Variants in SND1 observed in about 807,000 individuals in gnomAD.
The protein encoded by SND1 is staphylococcal nuclease domain-containing protein 1.
Under a neutral mutation model 121.7 loss-of-function variants are expected in SND1, and 38 were observed. The observed-to-expected ratio is 0.31, with a 90% CI of 0.24 to 0.41. SND1 has a LOEUF of 0.41. Among genes scored for constraint, SND1 ranks in the 10% least tolerant of loss-of-function variants. The probability of loss-of-function intolerance (pLI) is 1.00; values close to 1 mark genes in which losing one functional copy is unlikely to be tolerated. For synonymous variants in SND1, 401 were observed against 447.4 expected, an observed-to-expected ratio of 0.90 and a Z score of 1.31; for missense variants, 868 against 1,184.6, an observed-to-expected ratio of 0.73 and a Z score of 3.92.
intron 17 of SND1, among the ~76,000 whole-genome samples, chr7:128,074,980 G>C (rs535891114): frequency 6.6e-6 from 1 of 152,344 alleles, no homozygotes; most frequent in East Asian, 1.9e-4. Context: ...AATCTGTCTA[G>C]GTGACTGTGG....
At chr7:127,779,942 T>G (rs1313223420) in intron 10 of SND1, among the ~76,000 whole-genome samples, 1 of 152,206 alleles carries the variant, frequency 6.6e-6, no homozygotes, top group Non-Finnish European at 1.5e-5. Flanking sequence ...CCATAGTACT[T>G]TATCCATGTC....
chr7:127,801,411 T>TTATA lies in SND1; in HGVS notation c.1153-6070_1153-6069insATAT, dbSNP rs1273508546. The stretch of plus-strand genomic sequence containing the variant: ...ATCTTTTGCCAATTCATCTATGGGT[T>TTATA]TATTTCTCTTTTTCTTATCAATTGT... On this transcript the variant is annotated intron_variant, in intron 10 of 23. Transcript: ENST00000354725. 4.2e-4 allele frequency among the ~76,000 whole-genome samples: 64 copies of TTATA among 152,330 alleles called. 1 individual carries two copies. The highest frequency in any genetic ancestry group is 1.3e-3 in the African/African-American group (55 of 41,570).
intron 16 of SND1, among the ~76,000 whole-genome samples, chr7:128,038,405 C>A (rs1272940639): frequency 2.6e-5 from 4 of 152,194 alleles, no homozygotes; most frequent in African/African-American, 9.6e-5. Flanking sequence ...GCCCCAGATT[C>A]TTCACGTGTA....
chr7:127,978,361 C>G (rs1802177247), intron 15 of SND1, among the ~76,000 whole-genome samples: 1 of 152,154 alleles, frequency 6.6e-6, no homozygotes, highest in African/African-American at 2.4e-5. Flanking sequence ...GAGCAAAGGA[C>G]TTCTTCACAA....
chr7:127,968,734 A>G (rs1027531229), intron 15 of SND1, among the ~76,000 whole-genome samples: 1 of 152,230 alleles, frequency 6.6e-6, no homozygotes, highest in Non-Finnish European at 1.5e-5. Context: ...CTGGCTTAGA[A>G]TCAAGAGTAG....
intron 22 of SND1, among the ~76,000 whole-genome samples, chr7:128,090,901 T>G (rs1036507227): frequency 6.6e-6 from 1 of 152,200 alleles, no homozygotes; most frequent in Non-Finnish European, 1.5e-5. Context: ...ATTGGAGATC[T>G]TATTGTACCC....
chr7:127,657,422 A>G (rs1795231030), intron 1 of SND1, among the ~76,000 whole-genome samples: 1 of 152,204 alleles, frequency 6.6e-6, no homozygotes, highest in South Asian at 2.1e-4. Flanking sequence ...CTAACCATAA[A>G]GGAAGGGCGT....
intron 12 of SND1, among the ~76,000 whole-genome samples, chr7:127,860,066 C>T (rs1799348419): frequency 6.6e-6 from 1 of 152,180 alleles, no homozygotes; most frequent in African/African-American, 2.4e-5. Flanking sequence ...ATGGTTATTT[C>T]TAGCTCTGCC....
At chr7:127,830,884 T>C (rs1392566297) in intron 11 of SND1, among the ~76,000 whole-genome samples, 3 of 152,158 alleles carry the variant, frequency 2.0e-5, no homozygotes, top group South Asian at 4.1e-4. Flanking sequence ...CTGGGATATA[T>C]AGTTATAAAT....
intron 14 of SND1, among the ~76,000 whole-genome samples, chr7:127,919,660 C>T (rs951755179): frequency 4.6e-5 from 7 of 151,850 alleles, no homozygotes; most frequent in African/African-American, 1.7e-4. Flanking sequence ...TGTTTTTAGC[C>T]CGGTCTCATG....
At chr7:127,849,885 G>C (rs1584616499) in intron 12 of SND1, among the ~76,000 whole-genome samples, 1 of 151,644 alleles carries the variant, frequency 6.6e-6, no homozygotes, top group African/African-American at 2.4e-5. Flanking sequence ...CAGAGGTATT[G>C]TCCAAGTTCT....
chr7:127,700,177 A>C (rs1387761058), intron 4 of SND1, among the ~76,000 whole-genome samples: 2 of 152,238 alleles, frequency 1.3e-5, no homozygotes, highest in East Asian at 3.8e-4. Context: ...CCATCTCAAC[A>C]AATAAATCTC....
chr7:127,977,789 T>A (rs1006216651), intron 15 of SND1, among the ~76,000 whole-genome samples: 2 of 152,154 alleles, frequency 1.3e-5, no homozygotes, highest in African/African-American at 4.8e-5. Context: ...GAGGAATAAC[T>A]ATAGAAGGGA....
chr7:127,778,166 A>G (rs1797653747), intron 10 of SND1, among the ~76,000 whole-genome samples: 1 of 136,762 alleles, frequency 7.3e-6, no homozygotes, highest in African/African-American at 3.1e-5. Flanking sequence ...TGCCAGTCCC[A>G]TTTATTTGTG....
At chr7:128,035,451 T>A (rs1476018323) in intron 16 of SND1, among the ~76,000 whole-genome samples, 1 of 152,186 alleles carries the variant, frequency 6.6e-6, no homozygotes, top group Non-Finnish European at 1.5e-5. Context: ...GACACATAGA[T>A]CACAGAATGT....
chr7:127,857,950 AC>A (rs1243164998), intron 12 of SND1: 1 of 1,368,352 alleles, frequency 7.3e-7, no homozygotes, highest in East Asian at 2.3e-5. Flanking sequence ...GCCTTCGCTC[AC>A]CCAGGTCTGC....
rs116536809 is a variant in SND1 at position 127,859,996 on chromosome 7, A to G, written c.1343+15572A>G. On this transcript the variant is annotated intron_variant, in intron 12 of 23. Coordinates refer to ENST00000354725, the MANE Select transcript of SND1 (RefSeq NM_014390.4). Reference sequence around the variant, plus strand: ...TTTTACAGCTCTGTTAATTTCTTCAATACCATCTCTGTTTGGAAGATGTAC... The same window carrying G: ...TTTTACAGCTCTGTTAATTTCTTCAGTACCATCTCTGTTTGGAAGATGTAC... 8.7e-3 allele frequency among the ~76,000 whole-genome samples: 1,323 copies of G among 152,290 alleles called. 25 individuals are homozygous for G. The highest frequency in any genetic ancestry group is 0.03 in the African/African-American group (1,227 of 41,554).
chr7:127,772,468 T>C (rs1203211365), intron 10 of SND1, among the ~76,000 whole-genome samples: 1 of 152,180 alleles, frequency 6.6e-6, no homozygotes, highest in Non-Finnish European at 1.5e-5. Flanking sequence ...CTGTGATTTG[T>C]TCCCTTATAC....
intron 13 of SND1, among the ~76,000 whole-genome samples, chr7:127,902,153 C>T (rs978897011): frequency 6.6e-6 from 1 of 152,218 alleles, no homozygotes; most frequent in African/African-American, 2.4e-5. Flanking sequence ...TTCTAACTTA[C>T]TGCTCAGGCC....
Sources: gnomAD v4.1 joint callset for allele counts (sites outside exome capture counted in the v4.1 genomes callset) on GRCh38, gnomAD v4.1.1 for gene constraint, MANE v1.5 for transcripts, NCBI Gene and HGNC (gene_info 2026-07-23, HGNC 2026-07-21) for gene names.